The following COL22A1 variants were observed in gnomAD, a reference collection of about 807,000 sequenced individuals.
COL22A1 encodes collagen type XXII alpha 1 chain.
COL22A1 carries 221 observed loss-of-function variants against 248.9 expected under a neutral mutation model. That is an observed-to-expected ratio of 0.89 (90% confidence interval 0.80 to 0.99). The LOEUF (loss-of-function observed/expected upper bound fraction) is 0.99, where lower values mean the gene tolerates loss of function less well. Ranked by LOEUF, COL22A1 falls within the 50% of genes least tolerant of loss-of-function variation. The probability of loss-of-function intolerance (pLI) is 0.00; values close to 1 mark genes in which losing one functional copy is unlikely to be tolerated. For missense variants in COL22A1, 2,240 were observed against 2,179.0 expected (o/e 1.03, Z -0.56); for synonymous variants, 891 against 793.4 (o/e 1.12, Z -2.07).
chr8:138,598,479 T>C (rs1817726735), intron 61 of COL22A1, among the ~76,000 whole-genome samples: 1 of 152,246 alleles, frequency 6.6e-6, no homozygotes, highest in Non-Finnish European at 1.5e-5. Flanking sequence ...TTTTTGAGCA[T>C]TTCTTAAGCT....
At chr8:138,677,411 G>A (rs1254622090) in intron 40 of COL22A1, among the ~76,000 whole-genome samples, 1 of 143,826 alleles carries the variant, frequency 7.0e-6, no homozygotes, top group Non-Finnish European at 1.5e-5. Context: ...TCGTTGTACT[G>A]CCATGCTGGA....
At chr8:138,642,977 C>T (rs142400190) in intron 47 of COL22A1, among the ~76,000 whole-genome samples, 3,699 of 151,038 alleles carry the variant, frequency 0.024, 145 homozygotes, top group African/African-American at 0.084. Context: ...TGCAGTGAGC[C>T]GAGATTGCAC....
chr8:138,803,125 A>C (rs1817145151), intron 10 of COL22A1, among the ~76,000 whole-genome samples, 191 bp from the exon 11 acceptor site: 1 of 152,156 alleles, frequency 6.6e-6, no homozygotes, highest in Non-Finnish European at 1.5e-5. Flanking sequence ...TCCCAACATC[A>C]CAATTCCAGG....
intron 30 of COL22A1, among the ~76,000 whole-genome samples, chr8:138,705,983 T>C (rs1828401277): frequency 6.6e-6 from 1 of 152,174 alleles, no homozygotes; most frequent in South Asian, 2.1e-4. Flanking sequence ...GTTGCAATCC[T>C]AGTCTCTGAT....
At chr8:138,805,028 A>ATGGTGTGGG (rs1563784959) in intron 10 of COL22A1, among the ~76,000 whole-genome samples, 1 of 51,372 alleles carries the variant, frequency 1.9e-5, no homozygotes. Context: ...TGTGTGTGTG[A>ATGGTGTGGG]TAGTGTGTGT....
chr8:138,635,170 A>C, intron 48 of COL22A1, 107 bp from the exon 49 acceptor site: 1 of 887,840 alleles, frequency 1.1e-6, no homozygotes. Context: ...TTCCAACCCT[A>C]CTAACAATTT....
At chr8:138,613,955 A>G in intron 55 of COL22A1, 35 bp from the exon 56 acceptor site, 1 of 1,544,932 alleles carries the variant, frequency 6.5e-7, no homozygotes, top group Admixed American at 1.7e-5. Flanking sequence ...GTCATCATCA[A>G]GTCACTGTGT....
At chr8:138,787,847 C>T (rs1166016851) in intron 12 of COL22A1, among the ~76,000 whole-genome samples, 1 of 152,146 alleles carries the variant, frequency 6.6e-6, no homozygotes, top group Non-Finnish European at 1.5e-5. Context: ...AACCATCTAG[C>T]AGGAAATTAT....
intron 23 of COL22A1, among the ~76,000 whole-genome samples, chr8:138,730,185 C>T (rs1258197114): frequency 6.6e-6 from 1 of 152,226 alleles, no homozygotes; most frequent in African/African-American, 2.4e-5. Flanking sequence ...GTGCAGGTCC[C>T]TGCACTCAGG....
In COL22A1 at chr8:138,623,059, T is replaced by C. The variant is rs532924200; in HGVS notation, c.3771+673A>G. ...GTGAGCACAGCTTTGAAGTCACAGA[T>C]ACGGGTCTCTGTAAATCCCTGCACA... On this transcript the variant is annotated intron_variant, in intron 52 of 64. Transcript: ENST00000303045. 1.4e-3 allele frequency among the ~76,000 whole-genome samples: 208 copies of C among 151,942 alleles called. 1 individual carries two copies. The highest frequency in any genetic ancestry group is 4.9e-3 in the African/African-American group (202 of 41,422).
Position 138,635,801 on chromosome 8 carries a change from C to A in COL22A1, c.3556-738G>T, listed in dbSNP as rs75691311. On this transcript the variant is annotated intron_variant, in intron 48 of 64. Coordinates refer to ENST00000303045, the MANE Select transcript of COL22A1 (RefSeq NM_152888.3). ...GATAAGTCATTCTCATAAGAATAAT[C>A]CAAACACATTTTGTTTTTCCAAATA... Among the ~76,000 whole-genome samples the A allele has an allele frequency of 7.5e-3, 1,146 of 152,212 alleles. 12 individuals are homozygous for A. Among genetic ancestry groups the A allele is most frequent in the African/African-American group, 0.026 (1,075 of 41,530 alleles).
At chr8:138,901,929 C>G (rs1814606756) in intron 1 of COL22A1, among the ~76,000 whole-genome samples, 1 of 151,940 alleles carries the variant, frequency 6.6e-6, no homozygotes, top group South Asian at 2.1e-4. Flanking sequence ...CTCCCCTGCT[C>G]CCCGAGACAT....
At chr8:138,660,944 ATAAAC>A (rs1564158564) in intron 43 of COL22A1, among the ~76,000 whole-genome samples, 6 of 47,924 alleles carry the variant, frequency 1.3e-4, no homozygotes, top group African/African-American at 2.9e-4. Context: ...AGACACACAC[ATAAAC>A]ACACAGACAC....
intron 16 of COL22A1, among the ~76,000 whole-genome samples, chr8:138,766,914 A>G (rs1239215474): frequency 1.3e-5 from 2 of 152,174 alleles, no homozygotes; most frequent in Non-Finnish European, 2.9e-5. Flanking sequence ...CTAGCACTGC[A>G]CTGGCTACAC....
chr8:138,760,448 T>C (rs957503978), intron 17 of COL22A1, among the ~76,000 whole-genome samples, 161 bp from the exon 18 acceptor site: 1 of 152,248 alleles, frequency 6.6e-6, no homozygotes. Flanking sequence ...TGCTTATTGC[T>C]AGAAAGTTCT....
At chr8:138,885,523 A>G (rs1038612588) in intron 1 of COL22A1, among the ~76,000 whole-genome samples, 1 of 152,130 alleles carries the variant, frequency 6.6e-6, no homozygotes, top group Non-Finnish European at 1.5e-5. Context: ...CCCTGCCTCA[A>G]ATCCCTCCTA....
intron 1 of COL22A1, among the ~76,000 whole-genome samples, chr8:138,897,394 C>T (rs1483149240): frequency 3.3e-5 from 5 of 151,908 alleles, no homozygotes; most frequent in East Asian, 1.9e-4. Flanking sequence ...TAAAAAAATA[C>T]AAACATTAGT....
At chr8:138,779,245 A>G (rs1158555241) in intron 14 of COL22A1, among the ~76,000 whole-genome samples, 1 of 152,242 alleles carries the variant, frequency 6.6e-6, no homozygotes. Context: ...ATTGATTAAG[A>G]GAATGTGTGG....
intron 23 of COL22A1, 123 bp from the exon 24 acceptor site, chr8:138,725,563 T>C (rs1292438352): frequency 2.2e-5 from 17 of 774,682 alleles, no homozygotes; most frequent in Admixed American, 6.0e-5. Flanking sequence ...TAACTTTATT[T>C]GTAATGCCTG....
Sources: allele counts gnomAD v4.1 joint callset (sites outside exome capture counted in the v4.1 genomes callset), GRCh38; gene constraint gnomAD v4.1.1; transcripts MANE v1.5; gene names NCBI Gene and HGNC (gene_info 2026-07-23, HGNC 2026-07-21).